UNC5D: variants seen among roughly 807,000 people sequenced by gnomAD.
UNC5D encodes unc-5 netrin receptor D, also known as netrin receptor UNC5D.
In UNC5D, 39 loss-of-function variants were observed where a neutral mutation model predicts 105.4. The ratio of observed to expected loss-of-function variants is 0.37; its 90% CI spans 0.29 to 0.48. The LOEUF is 0.48. UNC5D is among the 20% of genes least tolerant of loss of function. The pLI, the probability that UNC5D is intolerant of heterozygous loss-of-function variation, is 0.98. For synonymous variants in UNC5D, 452 were observed against 450.4 expected, an observed-to-expected ratio of 1.00 and a Z score of -0.04; for missense variants, 991 against 1,202.4, an observed-to-expected ratio of 0.82 and a Z score of 2.60.
intron 4 of UNC5D, among the ~76,000 whole-genome samples, chr8:35,650,881 A>G (rs1823363647): frequency 6.6e-6 from 1 of 152,190 alleles, no homozygotes; most frequent in Admixed American, 6.5e-5. Context: ...GATGGTTTTC[A>G]ATGAGAATGA....
chr8:35,354,262 CT>C (rs1420944624), intron 1 of UNC5D, among the ~76,000 whole-genome samples: 5 of 151,704 alleles, frequency 3.3e-5, no homozygotes, highest in African/African-American at 9.7e-5. Context: ...ATTCTCTTTT[CT>C]TTCCCCCCCT....
At chr8:35,606,755 CA>C (rs1820320585) in intron 4 of UNC5D, among the ~76,000 whole-genome samples, 1 of 152,138 alleles carries the variant, frequency 6.6e-6, no homozygotes, top group Admixed American at 6.6e-5. Context: ...CAGCCAAAAG[CA>C]AAAATACATT....
chr8:35,349,174 C>T (rs2128908609), intron 1 of UNC5D, among the ~76,000 whole-genome samples: 1 of 151,988 alleles, frequency 6.6e-6, no homozygotes, highest in East Asian at 1.9e-4. Flanking sequence ...AGTTTTTTAA[C>T]AGCCCTTTCA....
chr8:35,585,429 G>A (rs927768348), intron 3 of UNC5D, among the ~76,000 whole-genome samples: 4 of 151,888 alleles, frequency 2.6e-5, no homozygotes, highest in Admixed American at 6.6e-5. Context: ...GCCTTTCTTC[G>A]TTATTGCTGT....
At chr8:35,549,599 C>G (rs1002959676) in intron 2 of UNC5D, 89 bp downstream of exon 2, 2 of 1,268,998 alleles carry the variant, frequency 1.6e-6, no homozygotes, top group South Asian at 1.4e-5. Context: ...AAATCACCCC[C>G]CATTGCCTTG....
intron 4 of UNC5D, among the ~76,000 whole-genome samples, chr8:35,651,558 G>A (rs1364645851): frequency 6.6e-6 from 1 of 152,112 alleles, no homozygotes; most frequent in Non-Finnish European, 1.5e-5. Flanking sequence ...AAAAGAATAA[G>A]AAAATTCACA....
At chr8:35,363,641 A>G (rs1044371777) in intron 1 of UNC5D, among the ~76,000 whole-genome samples, 2 of 152,064 alleles carry the variant, frequency 1.3e-5, no homozygotes, top group African/African-American at 4.8e-5. Flanking sequence ...TTGTCCCATT[A>G]TTGGTGATGC....
intron 1 of UNC5D, among the ~76,000 whole-genome samples, chr8:35,272,313 T>C (rs1805464930): frequency 1.3e-5 from 2 of 152,140 alleles, no homozygotes. Context: ...TTGGTTGGGT[T>C]CCCCTGGGAT....
chr8:35,577,702 C>T (rs903976766), intron 3 of UNC5D, among the ~76,000 whole-genome samples: 2 of 152,120 alleles, frequency 1.3e-5, no homozygotes, highest in Non-Finnish European at 2.9e-5. Flanking sequence ...GTGAAAGTTT[C>T]AGGAAAACTG....
intron 1 of UNC5D, among the ~76,000 whole-genome samples, chr8:35,470,601 CAAA>C (rs143876201): frequency 0.029 from 3,478 of 119,810 alleles, 142 homozygotes; most frequent in African/African-American, 0.091. Flanking sequence ...ACAAAAAATG[CAAA>C]AAAAAAAAAA....
intron 4 of UNC5D, among the ~76,000 whole-genome samples, chr8:35,621,549 G>T (rs1429934148): frequency 6.6e-6 from 1 of 152,094 alleles, no homozygotes; most frequent in African/African-American, 2.4e-5. Context: ...TAAATAAAGA[G>T]GAAGTCAATG....
chr8:35,627,667 G>A lies in UNC5D; in HGVS notation c.570+32010G>A, dbSNP rs902363557. Among the ~76,000 whole-genome samples the A allele has an allele frequency of 5.3e-5, 8 of 152,268 alleles. No homozygotes were observed. The East Asian group carries it at 1.2e-3, about 22-fold the overall frequency. ...AACTTGACTGGGCGCGGTGGCTCAC[G>A]TCTGTAATCCCAGCACTTTGGGAGG... On this transcript the variant is annotated intron_variant, in intron 4 of 16. Coordinates refer to ENST00000404895, the MANE Select transcript of UNC5D (RefSeq NM_080872.4).
chr8:35,274,268 C>G (rs1186184725), intron 1 of UNC5D, among the ~76,000 whole-genome samples: 5 of 152,034 alleles, frequency 3.3e-5, no homozygotes, highest in Non-Finnish European at 7.4e-5. Flanking sequence ...GGTGAAAAGC[C>G]GAGAGTGAAA....
chr8:35,510,310 CAAAAAAAA>C (rs11317897), intron 1 of UNC5D, among the ~76,000 whole-genome samples: 3 of 71,862 alleles, frequency 4.2e-5, no homozygotes, highest in Admixed American at 1.6e-4. Context: ...TTTTTATATC[CAAAAAAAA>C]AAAAAAAAAA....
intron 1 of UNC5D, among the ~76,000 whole-genome samples, chr8:35,485,133 G>A (rs1457368221): frequency 1.3e-5 from 2 of 152,118 alleles, no homozygotes; most frequent in Non-Finnish European, 2.9e-5. Context: ...CTCAGGAGAG[G>A]CAAACCTTTA....
chr8:35,509,992 G>T (rs1356431198), intron 1 of UNC5D, among the ~76,000 whole-genome samples: 1 of 152,100 alleles, frequency 6.6e-6, no homozygotes, highest in African/African-American at 2.4e-5. Context: ...ATGGGGGAGG[G>T]GCTGCAGAGC....
At chr8:35,441,195 C>G (rs1374584232) in intron 1 of UNC5D, among the ~76,000 whole-genome samples, 1 of 151,916 alleles carries the variant, frequency 6.6e-6, no homozygotes, top group Non-Finnish European at 1.5e-5. Flanking sequence ...GAGAGAAACT[C>G]AGAACATACT....
intron 3 of UNC5D, among the ~76,000 whole-genome samples, chr8:35,592,434 G>A (rs542451373): frequency 3.7e-4 from 57 of 152,182 alleles, no homozygotes; most frequent in Non-Finnish European, 6.2e-4. Context: ...GTTCCTGTCC[G>A]TTTCTTTCAA....
chr8:35,449,879 G>T (rs1402045388), intron 1 of UNC5D, among the ~76,000 whole-genome samples: 1 of 152,044 alleles, frequency 6.6e-6, no homozygotes, highest in Non-Finnish European at 1.5e-5. Context: ...TGGCCTTTGG[G>T]CTTCCATGGT....
Sources: gnomAD v4.1 joint callset for allele counts (sites outside exome capture counted in the v4.1 genomes callset) on GRCh38, gnomAD v4.1.1 for gene constraint, MANE v1.5 for transcripts, NCBI Gene and HGNC (gene_info 2026-07-23, HGNC 2026-07-21) for gene names.